Variants in CDH11 observed in about 807,000 individuals in gnomAD.
The protein encoded by CDH11 is cadherin-11.
CDH11 carries 11 observed loss-of-function variants against 67.8 expected under a neutral mutation model. The observed-to-expected ratio is 0.16, with a 90% confidence interval of 0.10 to 0.27. The LOEUF is 0.27. CDH11 is among the 10% of genes least tolerant of loss of function. The probability of loss-of-function intolerance (pLI) is 1.00; values close to 1 mark genes in which losing one functional copy is unlikely to be tolerated. For missense variants in CDH11, 847 were observed against 1,031.2 expected, an observed-to-expected ratio of 0.82 and a Z score of 2.45; for synonymous variants, 419 against 400.0, an observed-to-expected ratio of 1.05 and a Z score of -0.57.
intron 11 of CDH11, among the ~76,000 whole-genome samples, chr16:64,963,906 A>G (rs1248630123): frequency 6.6e-6 from 1 of 152,196 alleles, no homozygotes; most frequent in Non-Finnish European, 1.5e-5. Flanking sequence ...ACTAGCAAAA[A>G]TGGAAAAAAA....
chr16:65,111,209 GAAT>G (rs761349876), intron 1 of CDH11, among the ~76,000 whole-genome samples: 2 of 152,146 alleles, frequency 1.3e-5, no homozygotes, highest in Non-Finnish European at 2.9e-5. Flanking sequence ...ACAGCAACAA[GAAT>G]AACAGCAACT....
At chr16:65,035,767 T>C (rs2073742672) in intron 2 of CDH11, among the ~76,000 whole-genome samples, 1 of 152,216 alleles carries the variant, frequency 6.6e-6, no homozygotes, top group South Asian at 2.1e-4. Flanking sequence ...CCTTGTTTTA[T>C]TGATGAAGAA....
At position 64,991,832 on chromosome 16, in the gene CDH11, T is replaced by C. The variant is rs1346323686; in HGVS notation, c.747A>G (p.Ser249=). Residue 249 remains serine (S), a synonymous_variant, in exon 6 of 13, where the codon TCA becomes TCG. Coordinates refer to ENST00000268603, the MANE Select transcript of CDH11 (RefSeq NM_001797.4). ...KDMGGHMGGL[S]GTTKVTITLT... ...GTGTGATCGTCACTTTGGTTGTCCCTGAGAGTCCGCCCATATGTCCACCCA... is the reference window on the plus strand; with the variant it reads ...GTGTGATCGTCACTTTGGTTGTCCCCGAGAGTCCGCCCATATGTCCACCCA... The C allele has an allele frequency of 3.1e-6, 5 of 1,613,852 alleles. No individual in the cohort carries two copies. The highest frequency in any genetic ancestry group is 1.3e-5 in the African/African-American group (1 of 74,920).
upstream of CDH11, among the ~76,000 whole-genome samples, chr16:65,123,086 T>C (rs2075362988): frequency 6.6e-6 from 1 of 151,946 alleles, no homozygotes; most frequent in Non-Finnish European, 1.5e-5. Context: ...CCTCCCCGAG[T>C]CGCCGGGAGA....
intron 6 of CDH11, among the ~76,000 whole-genome samples, chr16:64,990,498 T>A (rs941874213): frequency 2.7e-5 from 4 of 149,644 alleles, no homozygotes; most frequent in Non-Finnish European, 5.9e-5. Flanking sequence ...AACCCCCCCA[T>A]GCATTAGCAG....
intron 11 of CDH11, among the ~76,000 whole-genome samples, chr16:64,957,679 C>T (rs2071556362): frequency 1.3e-5 from 2 of 151,226 alleles, no homozygotes; most frequent in Admixed American, 6.6e-5. Flanking sequence ...TAAATAAGCA[C>T]ATACATAAAA....
intron 11 of CDH11, among the ~76,000 whole-genome samples, chr16:64,951,468 G>C (rs1474088252): frequency 2.6e-5 from 4 of 151,916 alleles, no homozygotes; most frequent in African/African-American, 9.7e-5. Context: ...ACTTCACTTT[G>C]CTTTCCAGGC....
At position 65,048,429 on chromosome 16, in the gene CDH11, C is replaced by T. The variant is rs577159930; in HGVS notation, c.-173+5375G>A. 1.7e-4 allele frequency among the ~76,000 whole-genome samples: 26 copies of T among 152,256 alleles called. No homozygotes were observed. The South Asian group carries it at 4.4e-3, about 25-fold the overall frequency. ...GGGAAAAGAAATCATTATATCAAAA[C>T]GGAACCTGCACCCATGTGTCTATTA... On this transcript the variant is annotated intron_variant, in intron 2 of 12. Coordinates refer to ENST00000268603, the MANE Select transcript of CDH11 (RefSeq NM_001797.4).
At chr16:65,012,517 G>A (rs2073204785) in intron 2 of CDH11, among the ~76,000 whole-genome samples, 1 of 152,186 alleles carries the variant, frequency 6.6e-6, no homozygotes, top group Non-Finnish European at 1.5e-5. Context: ...ATGTTTCAAT[G>A]AAATCAAGGC....
chr16:65,002,988 T>A (rs905305292), intron 3 of CDH11, among the ~76,000 whole-genome samples: 1 of 150,634 alleles, frequency 6.6e-6, no homozygotes, highest in Non-Finnish European at 1.5e-5. Context: ...CTCTTTGAGG[T>A]TAGGAGCTAT....
Position 64,974,768 on chromosome 16 carries a change from A to G in CDH11, c.1254-1728T>C, listed in dbSNP as rs182675328. ...ATAATCAAAGACTTTTTTTCCTTCC[A>G]TGAAGGAGCTCACTATTTAGTTGAC... On this transcript the variant is annotated intron_variant, in intron 8 of 12. Transcript: ENST00000268603. Among the ~76,000 whole-genome samples the G allele has an allele frequency of 7.3e-3, 1,113 of 152,278 alleles. 9 individuals carry two copies. The highest frequency in any genetic ancestry group is 0.031 in the Middle Eastern group (9 of 294).
At chr16:65,064,650 G>A (rs375373966) in intron 1 of CDH11, among the ~76,000 whole-genome samples, 8 of 152,250 alleles carry the variant, frequency 5.3e-5, no homozygotes, top group South Asian at 4.1e-4. Flanking sequence ...CAAAGACAAG[G>A]CAGTCTCAGG....
At chr16:65,047,692 T>C (rs1324229271) in intron 2 of CDH11, among the ~76,000 whole-genome samples, 1 of 152,164 alleles carries the variant, frequency 6.6e-6, no homozygotes, top group Non-Finnish European at 1.5e-5. Context: ...TTTAACCATC[T>C]TAACTGTTTA....
Position 65,121,930 on chromosome 16 carries a change from A to T in CDH11, c.-348T>A, listed in dbSNP as rs1035554496. 1 of 701,832 alleles carries T rather than the reference A, an allele frequency of 1.4e-6. No individual in the cohort carries two copies. The highest frequency in any genetic ancestry group is 2.6e-6 in the Non-Finnish European group (1 of 384,598). 43.5% of individuals were successfully genotyped at this position (701,832 alleles called of 1,614,324 possible). On this transcript the variant is annotated 5_prime_UTR_variant, in exon 1 of 13. Transcript: ENST00000268603. The surrounding 1 kb of genome is among the most constrained non-coding windows in gnomAD (Gnocchi z 4.1). ...CCTCCGAGCCGCCAGTCCCTGGCGCAGGGCAAGCGCTGCGGTGTCAGTCCC... is the reference window on the plus strand; with the variant it reads ...CCTCCGAGCCGCCAGTCCCTGGCGCTGGGCAAGCGCTGCGGTGTCAGTCCC...
At chr16:64,973,069 AC>A (rs753961398) in intron 8 of CDH11, 29 bp from the exon 9 acceptor site, 2 of 1,607,938 alleles carry the variant, frequency 1.2e-6, no homozygotes, top group South Asian at 1.1e-5. Context: ...AGGCAATTAG[AC>A]CAAGACATTC....
intron 1 of CDH11, among the ~76,000 whole-genome samples, chr16:65,056,650 A>G (rs1413974306): frequency 6.6e-6 from 1 of 152,010 alleles, no homozygotes; most frequent in African/African-American, 2.4e-5. Context: ...AAAAGGTAAG[A>G]CTCTTGCTGA....
intron 2 of CDH11, among the ~76,000 whole-genome samples, chr16:65,035,426 C>T (rs1325437963): frequency 6.6e-6 from 1 of 152,236 alleles, no homozygotes; most frequent in Non-Finnish European, 1.5e-5. Context: ...TCACAGCCAA[C>T]CATTGTGACT....
rs2072366101 is a variant in CDH11 at position 64,982,090 on chromosome 16, C to T, written c.1211G>A (p.Arg404Lys). Residue 404 changes from arginine to lysine, a missense_variant, in exon 8 of 13, where the codon AGA becomes AAA. By Grantham distance (26) the Arg-to-Lys change is conservative. Around this residue, in one of 2 missense-constraint regions of CDH11, gnomAD observed 612 missense variants for 678.7 expected, o/e 0.90. Coordinates refer to ENST00000268603, the MANE Select transcript of CDH11 (RefSeq NM_001797.4). Reference sequence around the variant, plus strand: ...AGCATCAGGGTCTTTGGCATGCACTCTCCCAACCACGGTGCCAGCAGCTGC... The same window carrying T: ...AGCATCAGGGTCTTTGGCATGCACTTTCCCAACCACGGTGCCAGCAGCTGC... ...ENAAAGTVVG[R>K]VHAKDPDAAN... 3.7e-6 allele frequency: 6 copies of T among 1,613,880 alleles called. No homozygotes were observed. The South Asian group carries it at 5.5e-5, about 15-fold the overall frequency.
At chr16:65,111,927 G>A (rs1319855739) in intron 1 of CDH11, among the ~76,000 whole-genome samples, 4 of 151,734 alleles carry the variant, frequency 2.6e-5, no homozygotes, top group Non-Finnish European at 2.9e-5. Context: ...AAAATTAGCC[G>A]GGTGTGGTGG....
Sources: allele counts gnomAD v4.1 joint callset (sites outside exome capture counted in the v4.1 genomes callset), GRCh38; gene constraint gnomAD v4.1.1; regional missense constraint gnomAD v4.1.1; non-coding constraint Gnocchi (gnomAD v3.1); transcripts MANE v1.5; gene names NCBI Gene and HGNC (gene_info 2026-07-23, HGNC 2026-07-21).